Variants in ERG observed in about 807,000 individuals in gnomAD.
The protein encoded by ERG is transcriptional regulator ERG.
In ERG, 9 loss-of-function variants were observed where a neutral mutation model predicts 55.3. The ratio of observed to expected loss-of-function variants is 0.16; its 90% CI spans 0.10 to 0.28. ERG has a LOEUF of 0.28. Among genes scored for constraint, ERG ranks in the 10% least tolerant of loss-of-function variants. ERG has a pLI of 1.00. For missense variants in ERG, 434 were observed against 631.6 expected (o/e 0.69, Z 3.35); for synonymous variants, 223 against 237.3 (o/e 0.94, Z 0.55).
At chr21:38,602,851 G>A (rs1019204460) in intron 1 of ERG, among the ~76,000 whole-genome samples, 1 of 151,854 alleles carries the variant, frequency 6.6e-6, no homozygotes, top group Admixed American at 6.5e-5. Flanking sequence ...AGCTGGTGGA[G>A]TCCTCAAGAA....
intron 1 of ERG, among the ~76,000 whole-genome samples, chr21:38,478,270 A>G (rs548598289): frequency 6.6e-6 from 1 of 152,356 alleles, no homozygotes; most frequent in African/African-American, 2.4e-5. Context: ...TACATGCTTA[A>G]CTGTTCCTTT....
intron 5 of ERG, 96 bp from the exon 6 acceptor site, chr21:38,400,741 A>T: frequency 1.1e-6 from 1 of 922,396 alleles, no homozygotes. Context: ...ATGACAACAA[A>T]GGGAAGAGAC....
chr21:38,514,378 A>G (rs1384145749), intron 2 of ERG, among the ~76,000 whole-genome samples: 6 of 151,936 alleles, frequency 3.9e-5, no homozygotes, highest in Admixed American at 3.9e-4. Flanking sequence ...AAAATTCTAG[A>G]AAACAAAACC....
At chr21:38,523,637 G>A (rs972607258) in intron 2 of ERG, among the ~76,000 whole-genome samples, 3 of 152,082 alleles carry the variant, frequency 2.0e-5, no homozygotes, top group African/African-American at 4.8e-5. Flanking sequence ...GTAATTCTCC[G>A]TAAAACCCCA....
intron 2 of ERG, among the ~76,000 whole-genome samples, chr21:38,505,256 A>C (rs1014196946): frequency 1.3e-5 from 2 of 152,206 alleles, no homozygotes; most frequent in Non-Finnish European, 2.9e-5. Flanking sequence ...TCAGGAGCAC[A>C]GGACACTGGG....
At chr21:38,492,374 AG>A in intron 1 of ERG, among the ~76,000 whole-genome samples, 1 of 152,368 alleles carries the variant, frequency 6.6e-6, no homozygotes, top group East Asian at 1.9e-4. Context: ...CATCAATTTA[AG>A]TCAATTTTAA....
chr21:38,452,442 C>T (rs1301769156), intron 1 of ERG, among the ~76,000 whole-genome samples: 1 of 152,044 alleles, frequency 6.6e-6, no homozygotes, highest in Non-Finnish European at 1.5e-5. Flanking sequence ...TGCAGATATA[C>T]AATACATAAT....
At chr21:38,449,085 G>A (rs556076676) in intron 1 of ERG, 1 of 152,332 alleles carries the variant, frequency 6.6e-6, no homozygotes, top group African/African-American at 2.4e-5. Flanking sequence ...GATTGTTATT[G>A]CAGAAACTCT....
At chr21:38,604,094 A>T (rs1411425538) in intron 1 of ERG, among the ~76,000 whole-genome samples, 1 of 151,810 alleles carries the variant, frequency 6.6e-6, no homozygotes, top group Non-Finnish European at 1.5e-5. Context: ...TAAAAATAAA[A>T]AAAAAAAAAT....
At chr21:38,507,535 T>TGAAC (rs1416717450) in intron 2 of ERG, among the ~76,000 whole-genome samples, 1 of 5,114 alleles carries the variant, frequency 2.0e-4, no homozygotes, top group Non-Finnish European at 5.1e-4. Flanking sequence ...ACTGAATGAG[T>TGAAC]GAATGAATGA....
At chr21:38,579,070 T>C (rs2146871796) in intron 1 of ERG, among the ~76,000 whole-genome samples, 1 of 152,080 alleles carries the variant, frequency 6.6e-6, no homozygotes, top group South Asian at 2.1e-4. Context: ...CCAAGAAACC[T>C]CCACCAGAAG....
intron 1 of ERG, among the ~76,000 whole-genome samples, chr21:38,656,913 G>T (rs552256335): frequency 9.2e-5 from 14 of 152,132 alleles, no homozygotes; most frequent in Admixed American, 3.3e-4. Flanking sequence ...GTTTTGCAGG[G>T]GTAATAATTA....
chr21:38,622,688 C>T (rs2060298983), intron 1 of ERG, among the ~76,000 whole-genome samples: 1 of 147,388 alleles, frequency 6.8e-6, no homozygotes, highest in Admixed American at 6.8e-5. Flanking sequence ...CACCATACCA[C>T]ACACATACAC....
chr21:38,572,752 A>C (rs2059966683), intron 2 of ERG, among the ~76,000 whole-genome samples: 2 of 152,186 alleles, frequency 1.3e-5, no homozygotes, highest in Non-Finnish European at 2.9e-5. Flanking sequence ...AAAAACTCTC[A>C]GTTATGATTT....
chr21:38,627,123 A>C (rs544202310), intron 1 of ERG, among the ~76,000 whole-genome samples: 28 of 152,294 alleles, frequency 1.8e-4, no homozygotes, highest in African/African-American at 6.7e-4. Flanking sequence ...TGCAAAAAAG[A>C]GTATTATTAA....
chr21:38,550,100 C>T (rs16996466), intron 2 of ERG, among the ~76,000 whole-genome samples: 2,723 of 152,252 alleles, frequency 0.018, 80 homozygotes, highest in African/African-American at 0.062. Flanking sequence ...TCAGGTTCTA[C>T]GCCCGGTGGT....
chr21:38,551,838 G>A (rs1378358275), intron 2 of ERG, among the ~76,000 whole-genome samples: 1 of 152,122 alleles, frequency 6.6e-6, no homozygotes, highest in Non-Finnish European at 1.5e-5. Context: ...GCAGTGTTCT[G>A]GAGATGTCTG....
chr21:38,464,636 T>C (rs2059072367), intron 1 of ERG, among the ~76,000 whole-genome samples: 1 of 152,176 alleles, frequency 6.6e-6, no homozygotes, highest in Non-Finnish European at 1.5e-5. Flanking sequence ...TACATAGTTA[T>C]ATACGTGCCA....
chr21:38,432,958 C>T (rs973300232), intron 2 of ERG, among the ~76,000 whole-genome samples: 2 of 152,092 alleles, frequency 1.3e-5, no homozygotes, highest in Non-Finnish European at 2.9e-5. Flanking sequence ...TCAGAGTGGC[C>T]CTGAAGACAG....
Sources: gnomAD v4.1 joint callset for allele counts (sites outside exome capture counted in the v4.1 genomes callset) on GRCh38, gnomAD v4.1.1 for gene constraint, MANE v1.5 for transcripts, NCBI Gene and HGNC (gene_info 2026-07-23, HGNC 2026-07-21) for gene names.